The following LARGE1 variants were observed in gnomAD, a reference collection of about 807,000 sequenced individuals.
The protein encoded by LARGE1 is xylosyl- and glucuronyltransferase LARGE1.
LARGE1 carries 43 observed loss-of-function variants against 87.6 expected under a neutral mutation model. The ratio of observed to expected loss-of-function variants is 0.49; its 90% CI spans 0.38 to 0.63. The LOEUF is 0.63. Among genes scored for constraint, LARGE1 ranks in the 30% least tolerant of loss-of-function variants. LARGE1 has a pLI of 0.00. For synonymous variants in LARGE1, 434 were observed against 394.6 expected (o/e 1.10, Z -1.18); for missense variants, 802 against 1,000.2 (o/e 0.80, Z 2.67).
chr22:33,735,566 T>C (rs1001019045), intron 2 of LARGE1, among the ~76,000 whole-genome samples: 2 of 152,190 alleles, frequency 1.3e-5, no homozygotes, highest in East Asian at 1.9e-4. Context: ...TTGAAAGAAC[T>C]GGTGAATGAA....
At chr22:33,737,331 G>A (rs749109319) in intron 2 of LARGE1, among the ~76,000 whole-genome samples, 4 of 152,116 alleles carry the variant, frequency 2.6e-5, no homozygotes, top group Admixed American at 2.0e-4. Flanking sequence ...TTTGGCTTTG[G>A]GGATGCAAAA....
At chr22:33,075,492 C>T in the LARGE1 span, among the ~76,000 whole-genome samples, 1 of 152,116 alleles carries the variant, frequency 6.6e-6, no homozygotes, top group Non-Finnish European at 1.5e-5. Context: ...CTCATTATTC[C>T]TCAATGCTCC....
At chr22:33,140,072 A>G in the LARGE1 span, among the ~76,000 whole-genome samples, 16 of 152,296 alleles carry the variant, frequency 1.1e-4, no homozygotes, top group Non-Finnish European at 1.9e-4. Context: ...GAGCCCCATT[A>G]TTCTCAGCCT....
chr22:33,509,745 T>C (rs5998977), intron 6 of LARGE1, among the ~76,000 whole-genome samples: 2,542 of 152,288 alleles, frequency 0.017, 58 homozygotes, highest in African/African-American at 0.049. Context: ...TGCCATTGCG[T>C]CCAAGATTTT....
At chr22:33,600,271 C>T (rs1299333437) in intron 5 of LARGE1, among the ~76,000 whole-genome samples, 3 of 152,132 alleles carry the variant, frequency 2.0e-5, no homozygotes, top group African/African-American at 4.8e-5. Context: ...AGTTTTAGCA[C>T]ACATCTATAA....
intron 2 of LARGE1, among the ~76,000 whole-genome samples, chr22:33,664,831 C>T (rs1008917094): frequency 2.0e-5 from 3 of 152,160 alleles, no homozygotes; most frequent in African/African-American, 7.2e-5. Flanking sequence ...TGCACTCCAG[C>T]CCGGTGACAG....
chr22:33,419,122 C>T (rs182202784), intron 7 of LARGE1, among the ~76,000 whole-genome samples: 9 of 152,110 alleles, frequency 5.9e-5, no homozygotes, highest in Non-Finnish European at 4.4e-5. Context: ...GAAGCAGGCA[C>T]GTCTTACATG....
intron 11 of LARGE1, among the ~76,000 whole-genome samples, chr22:33,183,608 A>ACACACACACG (rs1476559711): frequency 3.3e-5 from 3 of 90,126 alleles, no homozygotes; most frequent in African/African-American, 1.2e-4. Context: ...TAAAACACAC[A>ACACACACACG]CACACACACA....
At chr22:33,383,448 G>A (rs11703454) in intron 8 of LARGE1, among the ~76,000 whole-genome samples, 14,613 of 151,950 alleles carry the variant, frequency 0.096, 920 homozygotes, top group South Asian at 0.25. Flanking sequence ...TAATCCTAGC[G>A]ACTTGGGAGG....
the LARGE1 span, among the ~76,000 whole-genome samples, chr22:33,103,325 C>T: frequency 6.2e-3 from 889 of 143,224 alleles, 13 homozygotes; most frequent in African/African-American, 0.022. Flanking sequence ...CCCAGCTACT[C>T]GGGAGGCTGA....
chr22:33,338,056 T>C (rs1006241516), intron 9 of LARGE1, among the ~76,000 whole-genome samples: 4 of 152,172 alleles, frequency 2.6e-5, no homozygotes, highest in African/African-American at 9.7e-5. Flanking sequence ...AGTTTCCTCA[T>C]CTGTGAAATG....
chr22:33,355,676 C>G (rs1208217136), intron 9 of LARGE1, among the ~76,000 whole-genome samples: 3 of 59,232 alleles, frequency 5.1e-5, no homozygotes, highest in African/African-American at 1.0e-4. Context: ...CTTTCTCTGC[C>G]TAGCCCTCCG....
chr22:33,837,709 G>A (rs2063150373), intron 1 of LARGE1, among the ~76,000 whole-genome samples: 1 of 152,214 alleles, frequency 6.6e-6, no homozygotes, highest in Admixed American at 6.5e-5. Flanking sequence ...TGCAGGTAGG[G>A]CTGAAGCCTA....
At chr22:33,409,785 T>C (rs1292492039) in intron 7 of LARGE1, among the ~76,000 whole-genome samples, 1 of 144,340 alleles carries the variant, frequency 6.9e-6, no homozygotes, top group African/African-American at 2.6e-5. Context: ...CACTTGAACC[T>C]GGGAGGCAGA....
chr22:33,072,256 CA>C, the LARGE1 span, among the ~76,000 whole-genome samples: 1 of 151,570 alleles, frequency 6.6e-6, no homozygotes, highest in Non-Finnish European at 1.5e-5. Flanking sequence ...TTTTGATGTG[CA>C]AATTAAAAAG....
chr22:33,734,409 C>T (rs1249810449), intron 2 of LARGE1, among the ~76,000 whole-genome samples: 1 of 151,974 alleles, frequency 6.6e-6, no homozygotes, highest in Non-Finnish European at 1.5e-5. Flanking sequence ...GAATGGGAGA[C>T]CATGGGATGG....
chr22:33,176,705 G>T lies in LARGE1; in HGVS notation c.1731-9873C>A, dbSNP rs563876547. 5.9e-5 allele frequency among the ~76,000 whole-genome samples: 9 copies of T among 152,304 alleles called. No homozygotes were observed. The East Asian group carries it at 1.7e-3, about 29-fold the overall frequency. ...GAAATAGGAATACTTTTACACTGTT[G>T]ATGGGAGCATAAATTAGTTCAACCA... On this transcript the variant is annotated intron_variant, in intron 11 of 11. Coordinates refer to the LARGE1 transcript ENST00000608642.
chr22:33,915,196 A>T (rs1318932396), intron 1 of LARGE1, among the ~76,000 whole-genome samples: 1 of 152,224 alleles, frequency 6.6e-6, no homozygotes, highest in Non-Finnish European at 1.5e-5. Flanking sequence ...TCAGGCAGTT[A>T]CACTGTTGCT....
Position 33,363,803 on chromosome 22 carries a change from C to T in LARGE1, c.1131+18116G>A, listed in dbSNP as rs552891458. 5.3e-4 allele frequency among the ~76,000 whole-genome samples: 80 copies of T among 149,926 alleles called. 8 individuals are homozygous for T. Among genetic ancestry groups the T allele is most frequent in the African/African-American group, 1.9e-3 (76 of 40,834 alleles). ...TAGGGCGACTTGAACACAAGCATTG[C>T]GATCCCAGAGAGTCAATCTGATAAC... On this transcript the variant is annotated intron_variant, in intron 9 of 14. Transcript: ENST00000397394.
Sources: gnomAD v4.1 joint callset for allele counts (sites outside exome capture counted in the v4.1 genomes callset) on GRCh38, gnomAD v4.1.1 for gene constraint, MANE v1.5 for transcripts, NCBI Gene and HGNC (gene_info 2026-07-23, HGNC 2026-07-21) for gene names.